The following CA10 variants were observed in gnomAD, a reference collection of about 807,000 sequenced individuals.
CA10 encodes the protein carbonic anhydrase-related protein 10.
CA10 carries 14 observed loss-of-function variants against 44.2 expected under a neutral mutation model. That is an observed-to-expected ratio of 0.32 (90% confidence interval 0.21 to 0.50). CA10 has a LOEUF of 0.50. CA10 is among the 20% of genes least tolerant of loss of function. CA10 has a pLI of 0.99. For synonymous variants in CA10, 159 were observed against 141.6 expected (o/e 1.12, Z -0.87); for missense variants, 350 against 409.7 (o/e 0.85, Z 1.26).
chr17:51,842,723 T>C (rs752016051), intron 3 of CA10, among the ~76,000 whole-genome samples: 6 of 151,804 alleles, frequency 4.0e-5, no homozygotes, highest in Non-Finnish European at 5.9e-5. Context: ...TTTTTTTTGC[T>C]TTTAGTAAGA....
At chr17:51,871,962 T>C (rs999206069) in intron 3 of CA10, among the ~76,000 whole-genome samples, 1 of 152,142 alleles carries the variant, frequency 6.6e-6, no homozygotes, top group African/African-American at 2.4e-5. Context: ...AAAGGAAGAA[T>C]TACTAATCCC....
intron 4 of CA10, among the ~76,000 whole-genome samples, chr17:51,733,182 G>A (rs981982358): frequency 1.3e-5 from 2 of 152,172 alleles, no homozygotes; most frequent in Non-Finnish European, 2.9e-5. Context: ...TCCTGGCTTA[G>A]TTATATGAAT....
chr17:51,976,196 C>T (rs1052308129), intron 2 of CA10, among the ~76,000 whole-genome samples: 2 of 152,136 alleles, frequency 1.3e-5, no homozygotes, highest in Non-Finnish European at 2.9e-5. Flanking sequence ...TAGATTTGTT[C>T]ACAATCGTAG....
chr17:52,019,023 G>A (rs546054637), intron 2 of CA10, among the ~76,000 whole-genome samples: 1 of 152,152 alleles, frequency 6.6e-6, no homozygotes. Flanking sequence ...TGACATGCTT[G>A]CTCCCACTTT....
At chr17:51,640,924 A>G (rs1159220180) in intron 6 of CA10, among the ~76,000 whole-genome samples, 1 of 152,108 alleles carries the variant, frequency 6.6e-6, no homozygotes. Flanking sequence ...GGCTCTATTC[A>G]TGAGTAAGGA....
At chr17:51,995,824 C>T (rs960178948) in intron 2 of CA10, among the ~76,000 whole-genome samples, 1 of 151,988 alleles carries the variant, frequency 6.6e-6, no homozygotes, top group Admixed American at 6.6e-5. Context: ...CCTAACTGGG[C>T]CAGCTTTTGT....
intron 3 of CA10, among the ~76,000 whole-genome samples, chr17:51,882,755 G>A (rs955736708): frequency 6.6e-6 from 1 of 152,124 alleles, no homozygotes; most frequent in Non-Finnish European, 1.5e-5. Context: ...ACCGAGTCAA[G>A]ACTGGAATTT....
chr17:51,995,375 A>T (rs1985196860), intron 2 of CA10, among the ~76,000 whole-genome samples: 1 of 152,076 alleles, frequency 6.6e-6, no homozygotes, highest in Non-Finnish European at 1.5e-5. Context: ...AGGGAATAAG[A>T]TGCTTGAAAC....
chr17:51,960,683 A>G (rs1288591187), intron 2 of CA10, among the ~76,000 whole-genome samples: 1 of 152,214 alleles, frequency 6.6e-6, no homozygotes, highest in African/African-American at 2.4e-5. Context: ...AGACCATCTG[A>G]TCATAGCAAA....
intron 6 of CA10, 84 bp from the exon 7 acceptor site, chr17:51,636,093 T>C: frequency 1.5e-6 from 1 of 647,448 alleles, no homozygotes; most frequent in Admixed American, 2.7e-5. Flanking sequence ...TACATACATA[T>C]ACATATACAT....
intron 3 of CA10, among the ~76,000 whole-genome samples, chr17:51,856,959 G>T (rs899515148): frequency 2.6e-5 from 4 of 152,302 alleles, no homozygotes; most frequent in Middle Eastern, 6.8e-3. Flanking sequence ...CTGAATTATG[G>T]ATTTTACAGA....
intron 3 of CA10, among the ~76,000 whole-genome samples, chr17:51,921,277 C>A (rs1364143593): frequency 2.0e-5 from 3 of 152,176 alleles, no homozygotes; most frequent in Non-Finnish European, 4.4e-5. Context: ...CCCCTCAGTG[C>A]CCATCAGAAC....
In CA10 at chr17:51,653,707, T is replaced by C; in HGVS notation, c.495A>G (p.Leu165=). The change falls in exon 5 of 9, where the codon CTA becomes CTG. Residue 165 remains leucine (L), a synonymous_variant. Coordinates refer to ENST00000451037, the MANE Select transcript of CA10 (RefSeq NM_020178.5). ...TTGCAGCTTCTGTGACATTCGTATA[T>C]AGCTCATGGTTATAGTGGATGAGCT... ...EVQLIHYNHE[L]YTNVTEAAKS... 6.2e-7 allele frequency: 1 copy of C among 1,610,022 alleles called. No individual in the cohort carries two copies. Among genetic ancestry groups the C allele is most frequent in the Non-Finnish European group, 8.5e-7 (1 of 1,176,284 alleles).
At chr17:51,676,204 T>G (rs1567799172) in intron 4 of CA10, among the ~76,000 whole-genome samples, 1 of 152,210 alleles carries the variant, frequency 6.6e-6, no homozygotes, top group Non-Finnish European at 1.5e-5. Flanking sequence ...ACCACCAAAC[T>G]GTTTTCCTAT....
intron 2 of CA10, among the ~76,000 whole-genome samples, chr17:51,947,721 G>C (rs1048395779): frequency 1.3e-5 from 2 of 152,002 alleles, no homozygotes; most frequent in African/African-American, 4.8e-5. Context: ...ATGTGCAGGG[G>C]CCATGGTGCA....
intron 2 of CA10, among the ~76,000 whole-genome samples, chr17:52,067,784 T>C (rs369949537): frequency 2.0e-5 from 3 of 152,232 alleles, no homozygotes; most frequent in Admixed American, 6.5e-5. Flanking sequence ...AAGATTTCAC[T>C]GCCTTGCTGG....
chr17:51,633,982 T>C (rs1314967383), intron 7 of CA10, among the ~76,000 whole-genome samples: 4 of 152,248 alleles, frequency 2.6e-5, no homozygotes, highest in Admixed American at 2.6e-4. Context: ...TGATACTCTT[T>C]GGTTCAATAA....
intron 4 of CA10, among the ~76,000 whole-genome samples, chr17:51,675,979 G>C (rs142522960): frequency 3.7e-4 from 56 of 152,310 alleles, no homozygotes; most frequent in African/African-American, 1.2e-3. Flanking sequence ...ATGAAGCACC[G>C]TGATGCTTGT....
chr17:52,124,010 A>G (rs1162254486), intron 1 of CA10, among the ~76,000 whole-genome samples: 1 of 152,214 alleles, frequency 6.6e-6, no homozygotes, highest in Non-Finnish European at 1.5e-5. Flanking sequence ...AATCAATGAC[A>G]TGTTCCACAG....
Sources: allele counts gnomAD v4.1 joint callset (sites outside exome capture counted in the v4.1 genomes callset), GRCh38; gene constraint gnomAD v4.1.1; transcripts MANE v1.5; gene names NCBI Gene and HGNC (gene_info 2026-07-23, HGNC 2026-07-21).